Variants in NDUFAF6 observed in about 807,000 individuals in gnomAD.
NDUFAF6 encodes the protein NADH dehydrogenase (ubiquinone) complex I, assembly factor 6.
A neutral mutation model predicts 40.8 loss-of-function variants in NDUFAF6; 45 were observed. The ratio of observed to expected loss-of-function variants is 1.10; its 90% confidence interval spans 0.87 to 1.42. The LOEUF is 1.42. Ranked by LOEUF, NDUFAF6 falls within the 40% of genes most tolerant of loss-of-function variation. The probability of loss-of-function intolerance (pLI) is 0.00; values close to 1 mark genes in which losing one functional copy is unlikely to be tolerated. For synonymous variants in NDUFAF6, 185 were observed against 155.9 expected, an observed-to-expected ratio of 1.19 and a Z score of -1.39; for missense variants, 435 against 418.5, an observed-to-expected ratio of 1.04 and a Z score of -0.34.
chr8:94,985,493 A>T (rs193051631), intron 2 of NDUFAF6, among the ~76,000 whole-genome samples: 3 of 7,082 alleles, frequency 4.2e-4, no homozygotes, highest in Non-Finnish European at 6.5e-4. Flanking sequence ...ATATATATAT[A>T]TATATATATA....
intron 2 of NDUFAF6, among the ~76,000 whole-genome samples, chr8:95,084,755 A>G (rs576372638): frequency 5.3e-5 from 8 of 152,372 alleles, no homozygotes; most frequent in African/African-American, 1.7e-4. Context: ...CTACCTAGAC[A>G]GGGAGGTTCC....
chr8:94,906,862 A>G (rs184368308), intron 1 of NDUFAF6, among the ~76,000 whole-genome samples: 18 of 152,328 alleles, frequency 1.2e-4, no homozygotes, highest in Admixed American at 5.2e-4. Context: ...ACATTACACT[A>G]TAGGGTAGTT....
chr8:95,042,089 A>G (rs527859656), intron 4 of NDUFAF6, among the ~76,000 whole-genome samples: 1 of 152,376 alleles, frequency 6.6e-6, no homozygotes, highest in South Asian at 2.1e-4. Context: ...TTGATTAGTC[A>G]TACACATACC....
chr8:95,091,154 G>A (rs114654783), intron 2 of NDUFAF6, among the ~76,000 whole-genome samples: 2,729 of 152,012 alleles, frequency 0.018, 91 homozygotes, highest in African/African-American at 0.062. Flanking sequence ...GTATTAGTCC[G>A]TTTTCACACT....
chr8:95,019,487 G>A (rs1223129917), intron 2 of NDUFAF6, among the ~76,000 whole-genome samples: 1 of 152,092 alleles, frequency 6.6e-6, no homozygotes, highest in Non-Finnish European at 1.5e-5. Context: ...ATGTGATTTT[G>A]TATGCATTAA....
chr8:95,002,548 A>G (rs953811912), intron 2 of NDUFAF6, among the ~76,000 whole-genome samples: 1 of 152,228 alleles, frequency 6.6e-6, no homozygotes, highest in South Asian at 2.1e-4. Context: ...CAGAATCTAT[A>G]AAGTGCTACC....
chr8:95,029,861 C>T (rs904837478), intron 1 of NDUFAF6, among the ~76,000 whole-genome samples: 1 of 152,128 alleles, frequency 6.6e-6, no homozygotes, highest in African/African-American at 2.4e-5. Flanking sequence ...ATGTTAACCT[C>T]TTACTACGTG....
intron 1 of NDUFAF6, chr8:94,940,046 C>A: frequency 6.2e-7 from 1 of 1,614,178 alleles, no homozygotes; most frequent in South Asian, 1.1e-5. Flanking sequence ...GGTGATAAAC[C>A]AGCTCTCCTC....
chr8:95,069,844 T>A (rs1832797081), intron 9 of NDUFAF6, among the ~76,000 whole-genome samples: 1 of 146,802 alleles, frequency 6.8e-6, no homozygotes, highest in Admixed American at 6.8e-5. Context: ...ATGTATAATA[T>A]TATTTTTTTC....
chr8:94,905,288 G>GTTT (rs34379696), intron 1 of NDUFAF6, among the ~76,000 whole-genome samples: 1 of 139,728 alleles, frequency 7.2e-6, no homozygotes. Context: ...TCCTTTTCAG[G>GTTT]TTTTTTTTTT....
chr8:94,976,789 G>A (rs1824985675), intron 1 of NDUFAF6, among the ~76,000 whole-genome samples: 1 of 152,166 alleles, frequency 6.6e-6, no homozygotes, highest in Admixed American at 6.5e-5. Context: ...TTTGCAAGGT[G>A]AAGAAGTTCT....
At chr8:94,951,552 T>G (rs774490360) in intron 2 of NDUFAF6, among the ~76,000 whole-genome samples, 1 of 152,360 alleles carries the variant, frequency 6.6e-6, no homozygotes, top group East Asian at 1.9e-4. Context: ...ACTCTCTTGC[T>G]GATTTATAAT....
At chr8:94,917,154 A>G (rs1819196653) in intron 1 of NDUFAF6, among the ~76,000 whole-genome samples, 1 of 151,946 alleles carries the variant, frequency 6.6e-6, no homozygotes, top group Non-Finnish European at 1.5e-5. Flanking sequence ...CAAATAATAA[A>G]CTTGGAAGAC....
At chr8:95,078,971 CT>C (rs913948537), downstream of NDUFAF6, among the ~76,000 whole-genome samples, 6 of 150,914 alleles carry the variant, frequency 4.0e-5, no homozygotes, top group Admixed American at 2.6e-4. Flanking sequence ...TGAAGGACAT[CT>C]TTTTTTTTGT....
chr8:94,922,264 C>G (rs1200998657), intron 1 of NDUFAF6, among the ~76,000 whole-genome samples: 3 of 152,046 alleles, frequency 2.0e-5, no homozygotes, highest in Non-Finnish European at 2.9e-5. Context: ...CCCACCTTGG[C>G]CTCCCAAAGT....
At chr8:95,107,556 C>T (rs1375227025), downstream of NDUFAF6, among the ~76,000 whole-genome samples, 1 of 151,956 alleles carries the variant, frequency 6.6e-6, no homozygotes, top group African/African-American at 2.4e-5. Context: ...TGCAGCAAAC[C>T]ACTATGGCAC....
chr8:94,917,447 T>C (rs1015919093), intron 1 of NDUFAF6, among the ~76,000 whole-genome samples: 1 of 152,222 alleles, frequency 6.6e-6, no homozygotes, highest in Non-Finnish European at 1.5e-5. Context: ...AATTGCGAAA[T>C]AGAAATTAAT....
At chr8:94,907,940 G>A (rs1010868376) in intron 1 of NDUFAF6, among the ~76,000 whole-genome samples, 1 of 152,184 alleles carries the variant, frequency 6.6e-6, no homozygotes, top group Non-Finnish European at 1.5e-5. Context: ...TGAATCTCCA[G>A]TACCTAAAAT....
intron 3 of NDUFAF6, among the ~76,000 whole-genome samples, chr8:95,039,142 A>G (rs1489060087): frequency 6.6e-6 from 1 of 151,094 alleles, no homozygotes; most frequent in East Asian, 2.0e-4. Flanking sequence ...ATGCCTGGCT[A>G]ATTTTTTTTT....
Sources: gnomAD v4.1 joint callset for allele counts (sites outside exome capture counted in the v4.1 genomes callset) on GRCh38, gnomAD v4.1.1 for gene constraint, MANE v1.5 for transcripts, NCBI Gene and HGNC (gene_info 2026-07-23, HGNC 2026-07-21) for gene names.